ZBTB46: variants seen among roughly 807,000 people sequenced by gnomAD.
ZBTB46 encodes the protein zinc finger and BTB domain containing 46, also known as zinc finger and BTB domain-containing protein 46.
In ZBTB46, 8 loss-of-function variants were observed where a neutral mutation model predicts 44.1. That is an observed-to-expected ratio of 0.18 (90% CI 0.11 to 0.33). The LOEUF (loss-of-function observed/expected upper bound fraction) is 0.33, where lower values mean the gene tolerates loss of function less well. Ranked by LOEUF, ZBTB46 falls within the 10% of genes least tolerant of loss-of-function variation. The pLI is 1.00. For synonymous variants in ZBTB46, 409 were observed against 382.3 expected (o/e 1.07, Z -0.81); for missense variants, 651 against 847.7 (o/e 0.77, Z 2.88).
At chr20:63,801,100 GTA>G (rs2092640969) in intron 1 of ZBTB46, among the ~76,000 whole-genome samples, 1 of 152,206 alleles carries the variant, frequency 6.6e-6, no homozygotes, top group Non-Finnish European at 1.5e-5. Context: ...GCACCAATCA[GTA>G]CCCTGTGTCT....
chr20:63,811,026 G>A (rs900470593), intron 1 of ZBTB46, among the ~76,000 whole-genome samples: 3 of 152,344 alleles, frequency 2.0e-5, no homozygotes, highest in East Asian at 1.9e-4. Context: ...GCCGGCGTCC[G>A]TGTTCCACTC....
chr20:63,798,236 C>G (rs553329022), intron 1 of ZBTB46, among the ~76,000 whole-genome samples: 1 of 152,082 alleles, frequency 6.6e-6, no homozygotes, highest in South Asian at 2.1e-4. Flanking sequence ...TTTCCCAGCA[C>G]CATTTATTAA....
chr20:63,749,064 G>A (rs1601384914), intron 4 of ZBTB46, among the ~76,000 whole-genome samples: 1 of 152,222 alleles, frequency 6.6e-6, no homozygotes, highest in Admixed American at 6.5e-5. Flanking sequence ...TTCCTTGAGG[G>A]CAGAGGTGCC....
chr20:63,754,085 A>C (rs2092196745), intron 3 of ZBTB46, among the ~76,000 whole-genome samples: 1 of 152,196 alleles, frequency 6.6e-6, no homozygotes, highest in Non-Finnish European at 1.5e-5. Context: ...TCATTTTGTG[A>C]GACTGGAGCA....
chr20:63,772,717 T>C (rs2092384849), intron 3 of ZBTB46, among the ~76,000 whole-genome samples: 1 of 129,452 alleles, frequency 7.7e-6, no homozygotes. Flanking sequence ...AGACCCTGTC[T>C]CAAAAACACA....
rs1316357470 is a variant in ZBTB46, at chr20:63,744,583, A to G, written c.*2347T>C. ...ATCGATTTAAAAAAAAATCAGTCAC[A>G]TAAAAAAAACCCTTCATGACATGTC... is the stretch of plus-strand genomic sequence containing the variant. On this transcript the variant is annotated 3_prime_UTR_variant, in exon 5 of 5. Transcript: ENST00000245663. 1.3e-5 allele frequency: 2 copies of G among 152,324 alleles called. No homozygotes were observed. Among genetic ancestry groups the G allele is most frequent in the Admixed American group, 1.3e-4 (2 of 15,280 alleles). The allele number at this position is 152,324 out of a possible 1,614,324, so 9.4% of individuals were successfully genotyped here.
In ZBTB46 at chr20:63,803,092, C is replaced by A. The variant is rs1182639099; in HGVS notation, c.-33-12302G>T. ...AGCTCTGCCCACTCTTGCGAAGAAA[C>A]CCACCAACCCGGCTCCCCCAGGGCA... On this transcript the variant is annotated intron_variant, in intron 1 of 4. Coordinates refer to ENST00000245663, the MANE Select transcript of ZBTB46 (RefSeq NM_001369741.1). The surrounding 1 kb of genome is among the most constrained non-coding windows in gnomAD (Gnocchi z 4.0). Among the ~76,000 whole-genome samples, 3 of 152,144 alleles carry A rather than the reference C, an allele frequency of 2.0e-5. No homozygotes were observed. The highest frequency in any genetic ancestry group is 6.5e-5 in the Admixed American group (1 of 15,274).
chr20:63,755,146 GCGGACGGTC>G (rs1220364761), intron 3 of ZBTB46, among the ~76,000 whole-genome samples: 1 of 152,238 alleles, frequency 6.6e-6, no homozygotes, highest in Non-Finnish European at 1.5e-5. Flanking sequence ...AGCCGCAGCT[GCGGACGGTC>G]CCCTCACCAC....
chr20:63,820,020 A>G (rs2092782265), intron 1 of ZBTB46, among the ~76,000 whole-genome samples: 2 of 152,262 alleles, frequency 1.3e-5, no homozygotes, highest in Admixed American at 1.3e-4. Flanking sequence ...AAAAACATGC[A>G]AACTCCCAGT....
At chr20:63,779,154 C>T (rs999121211) in intron 2 of ZBTB46, among the ~76,000 whole-genome samples, 33 of 152,280 alleles carry the variant, frequency 2.2e-4, no homozygotes, top group African/African-American at 7.9e-4. Flanking sequence ...GCTGGGGTTT[C>T]AACACATGAG....
At chr20:63,784,703 T>C (rs2092498231) in intron 2 of ZBTB46, among the ~76,000 whole-genome samples, 1 of 152,224 alleles carries the variant, frequency 6.6e-6, no homozygotes, top group Non-Finnish European at 1.5e-5. Flanking sequence ...CTGAACATTT[T>C]AATGCTATTT....
rs1341029030 is a variant in ZBTB46, at chr20:63,767,507, C to G, written c.1222+8171G>C. ...CCCTCCGACGCGGCTGTTCGGTCACCCAGTTCCCCTCCTGCTCCCACACAC... is the reference window on the plus strand; with the variant it reads ...CCCTCCGACGCGGCTGTTCGGTCACGCAGTTCCCCTCCTGCTCCCACACAC... On this transcript the variant is annotated intron_variant, in intron 3 of 4. Coordinates refer to ENST00000245663, the MANE Select transcript of ZBTB46 (RefSeq NM_001369741.1). The surrounding 1 kb of genome is among the most constrained non-coding windows in gnomAD (Gnocchi z 5.0). Among the ~76,000 whole-genome samples, 1 of 152,216 alleles carries G rather than the reference C, an allele frequency of 6.6e-6. No individual in the cohort carries two copies.
chr20:63,807,366 G>C (rs2092688203), intron 1 of ZBTB46, among the ~76,000 whole-genome samples: 1 of 151,692 alleles, frequency 6.6e-6, no homozygotes, highest in Admixed American at 6.6e-5. Flanking sequence ...TCTTGAGTCA[G>C]TTTGGTCTCG....
intron 3 of ZBTB46, among the ~76,000 whole-genome samples, chr20:63,769,707 G>A (rs974429804): frequency 1.2e-4 from 19 of 152,178 alleles, no homozygotes; most frequent in African/African-American, 2.2e-4. Flanking sequence ...GCCAAGGCAC[G>A]CTGGCCTGGA....
In ZBTB46 at chr20:63,747,041, CTCG is replaced by C. The variant is rs1337573539; in HGVS notation, c.1656_1658del (p.Asp552del). On this transcript the variant is annotated inframe_deletion, in exon 5 of 5. Coordinates refer to ENST00000245663, the MANE Select transcript of ZBTB46 (RefSeq NM_001369741.1). ...ACAGCGCATCCTCAGGGGCCAGGCC[CTCG>C]TCGTCCTCGCCCAGCTCCTCCGCCT... 1 of 1,608,158 alleles carries C rather than the reference CTCG, an allele frequency of 6.2e-7. No individual in the cohort carries two copies. The highest frequency in any genetic ancestry group is 8.5e-7 in the Non-Finnish European group (1 of 1,179,484).
intron 2 of ZBTB46, among the ~76,000 whole-genome samples, chr20:63,784,895 G>A (rs915529018): frequency 2.6e-5 from 4 of 152,192 alleles, no homozygotes; most frequent in Non-Finnish European, 5.9e-5. Context: ...TTGGGGCATC[G>A]GCGTCGAATG....
In ZBTB46 at chr20:63,790,094, C is replaced by T; in HGVS notation, c.664G>A (p.Gly222Ser). Residue 222 changes from glycine to serine, a missense_variant, in exon 2 of 5, where the codon GGC (glycine) becomes AGC (serine). Coordinates refer to ENST00000245663, the MANE Select transcript of ZBTB46 (RefSeq NM_001369741.1). ...TCCTTGATGCGCAGAGGCCCGTAGCCCACGTCTCCAGGCCATAGAGGCTGT... is the reference window on the plus strand; with the variant it reads ...TCCTTGATGCGCAGAGGCCCGTAGCTCACGTCTCCAGGCCATAGAGGCTGT... The part of the protein sequence containing the change: ...SSQPLWPGDV[G>S]YGPLRIKEEQ... 3 of 1,614,088 alleles carry T rather than the reference C, an allele frequency of 1.9e-6. 1 individual carries two copies. Among genetic ancestry groups the T allele is most frequent in the Middle Eastern group, 3.3e-4 (2 of 6,062 alleles).
chr20:63,769,361 G>A (rs943290681), intron 3 of ZBTB46: 3 of 985,394 alleles, frequency 3.0e-6, no homozygotes, highest in Middle Eastern at 5.2e-4. Context: ...TGCCATCAGC[G>A]ACCCTCACAA....
Position 63,816,117 on chromosome 20 carries a change from CGCAGGTGGGCGCAGGTGCAGTGGGT to C in ZBTB46, c.-34+14955_-34+14979del, listed in dbSNP as rs1226562063. Among the ~76,000 whole-genome samples, 268 of 128,334 alleles carry C rather than the reference CGCAGGTGGGCGCAGGTGCAGTGGGT, an allele frequency of 2.1e-3. 1 individual carries two copies. The highest frequency in any genetic ancestry group is 8.6e-3 in the South Asian group (33 of 3,818). The allele number at this position is 128,334 out of a possible 152,430, so 84.2% of individuals were successfully genotyped here. On this transcript the variant is annotated intron_variant, in intron 1 of 4. Transcript: ENST00000245663. The stretch of plus-strand genomic sequence containing the variant: ...GTGCAGTGGGCGCAGGTGCAGTGGG[CGCAGGTGGGCGCAGGTGCAGTGGGT>C]GCAGGTGCAGTGGGTGCAGGTGCGG...
Sources: allele counts gnomAD v4.1 joint callset (sites outside exome capture counted in the v4.1 genomes callset), GRCh38; gene constraint gnomAD v4.1.1; non-coding constraint Gnocchi (gnomAD v3.1); transcripts MANE v1.5; gene names NCBI Gene and HGNC (gene_info 2026-07-23, HGNC 2026-07-21).